Variants in SORCS1 observed in about 807,000 individuals in gnomAD.
The protein encoded by SORCS1 is sortilin related VPS10 domain containing receptor 1, also known as VPS10 domain-containing receptor SorCS1.
Under a neutral mutation model 146.1 loss-of-function variants are expected in SORCS1, and 60 were observed. The observed-to-expected ratio is 0.41, with a 90% CI of 0.33 to 0.51. The LOEUF is 0.51. Among genes scored for constraint, SORCS1 ranks in the 20% least tolerant of loss-of-function variants. The probability of loss-of-function intolerance (pLI) is 0.21; values close to 1 mark genes in which losing one functional copy is unlikely to be tolerated. For synonymous variants in SORCS1, 637 were observed against 584.0 expected, an observed-to-expected ratio of 1.09 and a Z score of -1.31; for missense variants, 1,352 against 1,487.6, an observed-to-expected ratio of 0.91 and a Z score of 1.50.
intron 1 of SORCS1, among the ~76,000 whole-genome samples, chr10:107,039,448 A>G (rs1959067518): frequency 6.6e-6 from 1 of 152,182 alleles, no homozygotes; most frequent in Non-Finnish European, 1.5e-5. Context: ...CTAAAATGTA[A>G]ATGTGCCAAG....
At chr10:106,985,157 A>T (rs1160747106) in intron 1 of SORCS1, among the ~76,000 whole-genome samples, 1 of 152,214 alleles carries the variant, frequency 6.6e-6, no homozygotes, top group Non-Finnish European at 1.5e-5. Context: ...ACTGCACTCC[A>T]GCCAGGGCAA....
At chr10:106,843,381 CATA>C (rs2137165207) in intron 2 of SORCS1, among the ~76,000 whole-genome samples, 2 of 149,732 alleles carry the variant, frequency 1.3e-5, no homozygotes, top group East Asian at 2.0e-4. Flanking sequence ...TCTCACTTAG[CATA>C]ATGTTTTCCA....
chr10:106,633,660 G>A (rs1262009959), intron 18 of SORCS1, among the ~76,000 whole-genome samples: 1 of 143,602 alleles, frequency 7.0e-6, no homozygotes, highest in Non-Finnish European at 1.5e-5. Context: ...ATAGATGATA[G>A]TAGATTAAAC....
At chr10:107,029,584 T>C (rs1020583996) in intron 1 of SORCS1, among the ~76,000 whole-genome samples, 28 of 152,226 alleles carry the variant, frequency 1.8e-4, no homozygotes, top group African/African-American at 5.8e-4. Flanking sequence ...ATTGCCTAAA[T>C]TCTCAATGCA....
chr10:106,996,143 G>C (rs1427128232), intron 1 of SORCS1, among the ~76,000 whole-genome samples: 1 of 148,782 alleles, frequency 6.7e-6, no homozygotes, highest in Admixed American at 6.8e-5. Flanking sequence ...CTGAGGCAGA[G>C]AACTGCTTGA....
intron 2 of SORCS1, among the ~76,000 whole-genome samples, chr10:106,843,914 A>G (rs1949183323): frequency 6.6e-6 from 1 of 152,164 alleles, no homozygotes; most frequent in South Asian, 2.1e-4. Context: ...TTGGATATGC[A>G]CCCAGGAATA....
At chr10:106,839,764 G>A (rs186064634) in intron 2 of SORCS1, among the ~76,000 whole-genome samples, 1 of 152,190 alleles carries the variant, frequency 6.6e-6, no homozygotes, top group East Asian at 1.9e-4. Context: ...TGCAATTGGT[G>A]ACTTTCAGTT....
chr10:107,164,253 C>G lies in SORCS1; in HGVS notation c.274G>C (p.Ala92Pro). The G allele has an allele frequency of 1.2e-6, 2 of 1,605,740 alleles. No homozygotes were observed. ...GCCATGGATGCCCCAGTGCCCCGAG[C>G]CCGCTCCAGGGATAGCGCTCGGTCC... The part of the protein sequence containing the change: ...PGDRALSLER[A>P]RGTGASMAVA... The change falls in exon 1 of 26, where the codon GCT becomes CCT. Residue 92 changes from alanine (A) to proline (P), a missense_variant. Ala to Pro is a conservative substitution (Grantham distance 27). This residue lies in a region of SORCS1 where 490 missense variants were observed against 489.1 expected (regional missense o/e 1.00). Transcript: ENST00000263054. This position sits in a 1 kb window ranked among gnomAD's most constrained non-coding sequence, Gnocchi z 6.8.
intron 2 of SORCS1, among the ~76,000 whole-genome samples, chr10:106,934,697 G>A (rs887980467): frequency 2.0e-5 from 3 of 152,150 alleles, no homozygotes; most frequent in Non-Finnish European, 4.4e-5. Flanking sequence ...TAAAGAAAAT[G>A]TGGTATATGT....
rs529195039 is a variant in SORCS1, at chr10:107,028,690, C to G, written c.559-72110G>C. On this transcript the variant is annotated intron_variant, in intron 1 of 25. Coordinates refer to ENST00000263054, the MANE Select transcript of SORCS1 (RefSeq NM_052918.5). The stretch of plus-strand genomic sequence containing the variant: ...ATTCAATCAAGCACTGTTGTAGAAA[C>G]CAACCAACAATCCAACCATGGAAAC... Among the ~76,000 whole-genome samples the G allele has an allele frequency of 6.6e-5, 10 of 152,274 alleles. No individual in the cohort carries two copies. In the South Asian group the frequency reaches 1.9e-3, roughly 28 times the overall value.
chr10:106,602,080 TA>T (rs1324325281), intron 23 of SORCS1, among the ~76,000 whole-genome samples: 1 of 152,004 alleles, frequency 6.6e-6, no homozygotes, highest in African/African-American at 2.4e-5. Flanking sequence ...CATGAAAAAA[TA>T]AAAGTTTTAA....
intron 1 of SORCS1, among the ~76,000 whole-genome samples, chr10:106,959,145 T>C (rs954491512): frequency 6.6e-6 from 1 of 152,178 alleles, no homozygotes; most frequent in African/African-American, 2.4e-5. Flanking sequence ...AGAAATTGTT[T>C]AAGCAATCCC....
At chr10:106,869,904 C>T (rs1162824597) in intron 2 of SORCS1, among the ~76,000 whole-genome samples, 5 of 152,100 alleles carry the variant, frequency 3.3e-5, no homozygotes, top group Admixed American at 2.0e-4. Context: ...GTCAAACTGT[C>T]GCTGTTTGAA....
chr10:106,623,120 G>A (rs1847859740), intron 19 of SORCS1, among the ~76,000 whole-genome samples: 1 of 151,954 alleles, frequency 6.6e-6, no homozygotes, highest in Non-Finnish European at 1.5e-5. Context: ...CCTCCTCTGT[G>A]ACATTCTTCC....
At chr10:106,733,192 A>G (rs758136871) in intron 5 of SORCS1, among the ~76,000 whole-genome samples, 14 of 152,134 alleles carry the variant, frequency 9.2e-5, no homozygotes, top group Non-Finnish European at 1.3e-4. Context: ...GTTCTCCCCA[A>G]ATCTACTGTG....
intron 1 of SORCS1, among the ~76,000 whole-genome samples, chr10:107,025,787 G>T (rs1288918090): frequency 1.3e-5 from 2 of 152,184 alleles, no homozygotes; most frequent in Non-Finnish European, 2.9e-5. Context: ...AACCACGGGA[G>T]TCTTTTATGG....
At chr10:106,828,925 C>A (rs1399910172) in intron 3 of SORCS1, among the ~76,000 whole-genome samples, 2 of 152,276 alleles carry the variant, frequency 1.3e-5, no homozygotes, top group East Asian at 3.9e-4. Flanking sequence ...CATAACTCTG[C>A]AATGGGCACA....
chr10:106,577,207 C>G lies in SORCS1; in HGVS notation c.*213G>C, dbSNP rs555014437. The G allele has an allele frequency of 7.8e-6, 12 of 1,541,864 alleles. No homozygotes were observed. In the South Asian group the frequency reaches 1.3e-4, roughly 17 times the overall value. ...TTTTGTTTTTGTTTTTGTTTTTTTACTGGCGTCCTCCATTCAAACATTTAC... is the reference window on the plus strand; with the variant it reads ...TTTTGTTTTTGTTTTTGTTTTTTTAGTGGCGTCCTCCATTCAAACATTTAC... On this transcript the variant is annotated 3_prime_UTR_variant, in exon 26 of 26. Transcript: ENST00000263054.
chr10:107,078,193 A>C (rs1259361189), intron 1 of SORCS1, among the ~76,000 whole-genome samples: 1 of 152,208 alleles, frequency 6.6e-6, no homozygotes, highest in East Asian at 1.9e-4. Flanking sequence ...CACCAATAAA[A>C]ATATTTTACT....
Sources: allele counts gnomAD v4.1 joint callset (sites outside exome capture counted in the v4.1 genomes callset), GRCh38; gene constraint gnomAD v4.1.1; regional missense constraint gnomAD v4.1.1; non-coding constraint Gnocchi (gnomAD v3.1); transcripts MANE v1.5; gene names NCBI Gene and HGNC (gene_info 2026-07-23, HGNC 2026-07-21).